The following SPAG16 variants were observed in gnomAD, a reference collection of about 807,000 sequenced individuals.
The protein encoded by SPAG16 is sperm associated antigen 16.
In SPAG16, 86 loss-of-function variants were observed where a neutral mutation model predicts 80.4. That is an observed-to-expected ratio of 1.07 (90% CI 0.90 to 1.28). SPAG16 has a LOEUF of 1.28. SPAG16 is among the 50% of genes most tolerant of loss of function. The pLI is 0.00. For synonymous variants in SPAG16, 294 were observed against 265.9 expected (o/e 1.11, Z -1.03); for missense variants, 870 against 765.3 (o/e 1.14, Z -1.61).
chr2:214,030,111 A>G (rs2048336378), intron 13 of SPAG16, among the ~76,000 whole-genome samples: 1 of 152,126 alleles, frequency 6.6e-6, no homozygotes, highest in African/African-American at 2.4e-5. Flanking sequence ...GAAACTTTAT[A>G]TTCATTGACT....
intron 10 of SPAG16, among the ~76,000 whole-genome samples, chr2:213,681,476 T>C (rs1334643853): frequency 6.6e-6 from 1 of 152,164 alleles, no homozygotes; most frequent in East Asian, 1.9e-4. Flanking sequence ...AACAACTCTT[T>C]CTATGCTTTC....
At chr2:213,800,308 C>G (rs1215917356) in intron 10 of SPAG16, among the ~76,000 whole-genome samples, 1 of 148,746 alleles carries the variant, frequency 6.7e-6, no homozygotes, top group Non-Finnish European at 1.5e-5. Context: ...CCCTCCCTTT[C>G]TCCTTCCCTC....
intron 15 of SPAG16, among the ~76,000 whole-genome samples, chr2:214,357,078 C>A (rs1041763750): frequency 6.6e-6 from 1 of 151,846 alleles, no homozygotes; most frequent in African/African-American, 2.4e-5. Flanking sequence ...TTCTGGCTCC[C>A]ACTCTTATTA....
At chr2:214,325,335 T>A (rs536496971) in intron 15 of SPAG16, among the ~76,000 whole-genome samples, 1 of 152,350 alleles carries the variant, frequency 6.6e-6, no homozygotes, top group South Asian at 2.1e-4. Context: ...GATGCTCATC[T>A]GTGGACCAAA....
intron 15 of SPAG16, among the ~76,000 whole-genome samples, chr2:214,266,849 AAGGAATAAAATACTT>A (rs1269089475): frequency 6.6e-6 from 1 of 151,878 alleles, no homozygotes; most frequent in Non-Finnish European, 1.5e-5. Context: ...AAAGAGTTAA[AAGGAATAAAATACTT>A]AGGAGTCAAT....
chr2:213,931,069 T>A (rs1191903117), intron 12 of SPAG16, among the ~76,000 whole-genome samples: 3 of 143,570 alleles, frequency 2.1e-5, no homozygotes, highest in African/African-American at 7.4e-5. Flanking sequence ...TTTCTTGAAG[T>A]TGTTATCTCC....
chr2:213,741,726 A>C (rs2067563460), intron 10 of SPAG16, among the ~76,000 whole-genome samples: 2 of 152,184 alleles, frequency 1.3e-5, no homozygotes, highest in African/African-American at 4.8e-5. Flanking sequence ...CATTTTATAT[A>C]TGTGCCAAAT....
intron 11 of SPAG16, among the ~76,000 whole-genome samples, chr2:213,894,028 G>T (rs948173053): frequency 1.3e-5 from 2 of 152,028 alleles, no homozygotes; most frequent in Non-Finnish European, 2.9e-5. Flanking sequence ...TATATAGCCT[G>T]AAAGTGAAAA....
intron 15 of SPAG16, among the ~76,000 whole-genome samples, chr2:214,358,933 A>T (rs1256132588): frequency 6.6e-6 from 1 of 151,936 alleles, no homozygotes; most frequent in African/African-American, 2.4e-5. Flanking sequence ...TAAGGAATTC[A>T]TTGATATTAA....
chr2:213,456,922 G>A (rs1425185789), intron 9 of SPAG16, among the ~76,000 whole-genome samples: 3 of 151,662 alleles, frequency 2.0e-5, no homozygotes, highest in African/African-American at 4.8e-5. Flanking sequence ...ATTAATTAAT[G>A]CCTTCTTGTA....
intron 15 of SPAG16, among the ~76,000 whole-genome samples, chr2:214,154,794 T>C (rs550116474): frequency 3.6e-4 from 55 of 152,178 alleles, no homozygotes; most frequent in Non-Finnish European, 7.1e-4. Flanking sequence ...ATGATAAAAA[T>C]CTGTAGGGAC....
intron 3 of SPAG16, among the ~76,000 whole-genome samples, chr2:213,308,327 T>C (rs539498664): frequency 6.6e-6 from 1 of 152,260 alleles, no homozygotes; most frequent in East Asian, 1.9e-4. Flanking sequence ...TCTTCATTTT[T>C]CTAGTTTTAG....
At chr2:213,791,825 A>G (rs1027463812) in intron 10 of SPAG16, among the ~76,000 whole-genome samples, 4 of 152,156 alleles carry the variant, frequency 2.6e-5, no homozygotes, top group African/African-American at 9.7e-5. Flanking sequence ...TGCAAAGTTT[A>G]TTCTGTGGAA....
intron 15 of SPAG16, among the ~76,000 whole-genome samples, chr2:214,373,207 TG>T: frequency 6.6e-6 from 1 of 152,312 alleles, no homozygotes; most frequent in East Asian, 1.9e-4. Flanking sequence ...GGAATTTGTT[TG>T]GGCAATTTTA....
intron 10 of SPAG16, among the ~76,000 whole-genome samples, chr2:213,733,952 G>A (rs967733132): frequency 4.0e-5 from 6 of 151,672 alleles, no homozygotes; most frequent in African/African-American, 1.2e-4. Flanking sequence ...CCTTTTTTTG[G>A]AAATGAGTTT....
At chr2:214,272,066 TA>T (rs1692067697) in intron 15 of SPAG16, among the ~76,000 whole-genome samples, 1 of 152,160 alleles carries the variant, frequency 6.6e-6, no homozygotes, top group Admixed American at 6.5e-5. Context: ...AACATTTCAT[TA>T]AAATTATAAG....
intron 15 of SPAG16, among the ~76,000 whole-genome samples, chr2:214,184,010 A>G (rs544878211): frequency 2.4e-4 from 36 of 152,176 alleles, no homozygotes; most frequent in South Asian, 1.0e-3. Context: ...TTTACTATAC[A>G]TGTATTTATA....
At chr2:213,592,217 G>T (rs957633312) in intron 10 of SPAG16, among the ~76,000 whole-genome samples, 1 of 152,130 alleles carries the variant, frequency 6.6e-6, no homozygotes, top group Non-Finnish European at 1.5e-5. Flanking sequence ...ATATTAAAGT[G>T]CAATTATAAA....
intron 15 of SPAG16, among the ~76,000 whole-genome samples, chr2:214,207,086 C>T (rs1016759557): frequency 6.6e-6 from 1 of 152,146 alleles, no homozygotes; most frequent in Admixed American, 6.6e-5. Flanking sequence ...TAATCCTTCA[C>T]TGAGAGCATT....
Sources: gnomAD v4.1 joint callset for allele counts (sites outside exome capture counted in the v4.1 genomes callset) on GRCh38, gnomAD v4.1.1 for gene constraint, MANE v1.5 for transcripts, NCBI Gene and HGNC (gene_info 2026-07-23, HGNC 2026-07-21) for gene names.